The following IL1RAPL2 variants were observed in gnomAD, a reference collection of about 807,000 sequenced individuals.
The protein encoded by IL1RAPL2 is interleukin 1 receptor accessory protein like 2.
In IL1RAPL2, 3 loss-of-function variants were observed where a neutral mutation model predicts 44.1. That is an observed-to-expected ratio of 0.07 (90% confidence interval 0.03 to 0.18). The LOEUF (loss-of-function observed/expected upper bound fraction) is 0.18. Among genes scored for constraint, IL1RAPL2 ranks in the 10% least tolerant of loss-of-function variants. The pLI is 1.00. For missense variants in IL1RAPL2, 391 were observed against 496.4 expected, an observed-to-expected ratio of 0.79 and a Z score of 2.02; for synonymous variants, 181 against 178.8, an observed-to-expected ratio of 1.01 and a Z score of -0.10.
intron 2 of IL1RAPL2, among the ~76,000 whole-genome samples, chrX:104,836,049 T>C (rs1232991012): frequency 1.8e-5 from 2 of 112,135 alleles, no homozygotes; most frequent in Non-Finnish European, 3.8e-5. Flanking sequence ...AACCACATTC[T>C]ACATGTGCAC....
chrX:105,365,113 A>T (rs185036046), intron 5 of IL1RAPL2, among the ~76,000 whole-genome samples: 3 of 111,693 alleles, frequency 2.7e-5, no homozygotes, highest in Admixed American at 1.9e-4. Context: ...TTATGAACAG[A>T]TGTTGAGTGT....
intron 7 of IL1RAPL2, among the ~76,000 whole-genome samples, chrX:105,721,376 A>C (rs2038303032): frequency 9.1e-6 from 1 of 109,816 alleles, no homozygotes. Context: ...AGATCATGCT[A>C]TTGCACTATA....
At chrX:105,106,517 A>G (rs2032746112) in intron 2 of IL1RAPL2, among the ~76,000 whole-genome samples, 1 of 111,229 alleles carries the variant, frequency 9.0e-6, no homozygotes, top group Non-Finnish European at 1.9e-5. Flanking sequence ...TGTCAATATG[A>G]AATATAGAAT....
intron 6 of IL1RAPL2, among the ~76,000 whole-genome samples, chrX:105,485,510 T>C (rs745314763): frequency 9.0e-6 from 1 of 111,399 alleles, no homozygotes; most frequent in East Asian, 2.8e-4. Context: ...AAATTACTGT[T>C]GACTGTAGTC....
At chrX:105,278,699 T>G (rs2034504878) in intron 5 of IL1RAPL2, among the ~76,000 whole-genome samples, 1 of 112,226 alleles carries the variant, frequency 8.9e-6, no homozygotes, top group South Asian at 3.7e-4. Context: ...CTATATTTTA[T>G]AAGGGAAGAA....
intron 2 of IL1RAPL2, among the ~76,000 whole-genome samples, chrX:104,788,711 A>G (rs1932811218): frequency 8.9e-6 from 1 of 112,132 alleles, no homozygotes; most frequent in Admixed American, 9.5e-5. Context: ...TTCCCTAGGC[A>G]GGTGAGACTT....
intron 5 of IL1RAPL2, among the ~76,000 whole-genome samples, chrX:105,390,808 T>C (rs1403324818): frequency 1.8e-5 from 2 of 110,917 alleles, no homozygotes; most frequent in Admixed American, 9.7e-5. Flanking sequence ...CTCTTATATA[T>C]CTAGGGTGAA....
intron 7 of IL1RAPL2, among the ~76,000 whole-genome samples, chrX:105,732,743 C>A (rs141989143): frequency 0.011 from 1,251 of 111,439 alleles, 6 homozygotes; most frequent in Non-Finnish European, 0.017. Context: ...TAATCTAAGT[C>A]CACTTCCAAA....
At chrX:105,077,450 G>A (rs1202551866) in intron 2 of IL1RAPL2, among the ~76,000 whole-genome samples, 1 of 111,781 alleles carries the variant, frequency 8.9e-6, no homozygotes, top group East Asian at 2.8e-4. Context: ...TGGGTAACCA[G>A]ACCTTTCTCT....
chrX:105,338,107 G>C (rs921667638), intron 5 of IL1RAPL2, among the ~76,000 whole-genome samples: 2 of 111,952 alleles, frequency 1.8e-5, no homozygotes, highest in African/African-American at 6.5e-5. Flanking sequence ...CCTATTATTT[G>C]CTTCTTTGTT....
At chrX:105,215,698 G>A (rs1482657704) in intron 3 of IL1RAPL2, among the ~76,000 whole-genome samples, 1 of 111,420 alleles carries the variant, frequency 9.0e-6, no homozygotes, top group Admixed American at 9.6e-5. Flanking sequence ...GAACATCGAT[G>A]TGAAAATCCT....
chrX:105,600,604 C>A (rs757077702), intron 6 of IL1RAPL2, among the ~76,000 whole-genome samples: 1 of 107,056 alleles, frequency 9.3e-6, no homozygotes, highest in Non-Finnish European at 1.9e-5. Context: ...CACCAATAAA[C>A]TTCTTATAAA....
chrX:104,875,466 G>C (rs930172714), intron 2 of IL1RAPL2, among the ~76,000 whole-genome samples: 2 of 111,711 alleles, frequency 1.8e-5, no homozygotes, highest in Non-Finnish European at 3.8e-5. Flanking sequence ...AAAGCACCAA[G>C]ACATAAGCAC....
At chrX:104,643,165 T>C (rs1929967723) in intron 1 of IL1RAPL2, among the ~76,000 whole-genome samples, 1 of 111,901 alleles carries the variant, frequency 8.9e-6, no homozygotes, top group African/African-American at 3.2e-5. Context: ...GCTACCAATG[T>C]TGATCAGCAA....
chrX:105,430,354 C>G lies in IL1RAPL2; in HGVS notation c.698-53959C>G, dbSNP rs148772562. ...AAGTATTTCTCAAGAATTCCAGGTA[C>G]TCATTACCATCAGACTAGAGTTGTC... On this transcript the variant is annotated intron_variant, in intron 5 of 10. Transcript: ENST00000372582. 8.6e-4 allele frequency among the ~76,000 whole-genome samples: 96 copies of G among 111,545 alleles called. 1 individual carries two copies. The East Asian group carries it at 0.016, about 18-fold the overall frequency.
At chrX:104,979,329 T>G (rs1022907005) in intron 2 of IL1RAPL2, among the ~76,000 whole-genome samples, 1 of 111,586 alleles carries the variant, frequency 9.0e-6, no homozygotes, top group Admixed American at 9.6e-5. Flanking sequence ...TGAGTGAAAC[T>G]CTAAAAGTAT....
intron 2 of IL1RAPL2, among the ~76,000 whole-genome samples, chrX:105,033,354 G>T (rs1031582406): frequency 1.1e-4 from 12 of 111,652 alleles, no homozygotes; most frequent in African/African-American, 1.6e-4. Flanking sequence ...TTTTGCAGTG[G>T]CTGGTACCGG....
rs776685674 is a variant in IL1RAPL2, at chrX:104,677,059, G to A, written c.82+18064G>A. On this transcript the variant is annotated intron_variant, in intron 2 of 10. Coordinates refer to ENST00000372582, the MANE Select transcript of IL1RAPL2 (RefSeq NM_017416.2). ...TGGTTTGAATGTCCTCCCATAGCTC[G>A]GAGAAATTTGATCATCTGAAGCCTT... Among the ~76,000 whole-genome samples the A allele has an allele frequency of 1.1e-4, 12 of 111,358 alleles. No individual in the cohort carries two copies. The East Asian group carries it at 2.0e-3, about 18-fold the overall frequency.
In IL1RAPL2 at chrX:105,447,799, A is replaced by G. The variant is rs1480248881; in HGVS notation, c.698-36514A>G. 3.4e-5 allele frequency among the ~76,000 whole-genome samples: 3 copies of G among 89,175 alleles called. No homozygotes were observed. The Admixed American group carries it at 4.4e-4, about 13-fold the overall frequency. 77.4% of individuals were successfully genotyped at this position (89,175 alleles called of 115,157 possible). A position where few individuals can be genotyped will look rare whatever the true frequency, so the allele number is the denominator to read the frequency against. On this transcript the variant is annotated intron_variant, in intron 5 of 10. Coordinates refer to ENST00000372582, the MANE Select transcript of IL1RAPL2 (RefSeq NM_017416.2). Reference sequence around the variant, plus strand: ...ATATATTAAAAATATATATAAATATATTATACATATAAATATATAAATATA... The same window carrying G: ...ATATATTAAAAATATATATAAATATGTTATACATATAAATATATAAATATA...
Sources: allele counts gnomAD v4.1 joint callset (sites outside exome capture counted in the v4.1 genomes callset), GRCh38; gene constraint gnomAD v4.1.1; transcripts MANE v1.5; gene names NCBI Gene and HGNC (gene_info 2026-07-23, HGNC 2026-07-21).